Variants in OSBPL8 observed in about 807,000 individuals in gnomAD.
OSBPL8 encodes oxysterol binding protein like 8, also known as oxysterol-binding protein-related protein 8.
A neutral mutation model predicts 125.5 loss-of-function variants in OSBPL8; 59 were observed. The ratio of observed to expected loss-of-function variants is 0.47; its 90% confidence interval spans 0.38 to 0.58. The LOEUF (loss-of-function observed/expected upper bound fraction) is 0.58, where lower values mean the gene tolerates loss of function less well. Ranked by LOEUF, OSBPL8 falls within the 20% of genes least tolerant of loss-of-function variation. The pLI, the probability that OSBPL8 is intolerant of heterozygous loss-of-function variation, is 0.00. For synonymous variants in OSBPL8, 330 were observed against 338.9 expected, an observed-to-expected ratio of 0.97 and a Z score of 0.29; for missense variants, 758 against 1,047.8, an observed-to-expected ratio of 0.72 and a Z score of 3.82.
intron 1 of OSBPL8, among the ~76,000 whole-genome samples, chr12:76,527,765 C>A (rs1950219224): frequency 6.6e-6 from 1 of 152,048 alleles, no homozygotes; most frequent in African/African-American, 2.4e-5. Context: ...CTTAGGGAAC[C>A]CAAATATTTT....
intron 1 of OSBPL8, among the ~76,000 whole-genome samples, chr12:76,546,147 T>G (rs893169462): frequency 1.3e-5 from 2 of 152,220 alleles, no homozygotes; most frequent in African/African-American, 4.8e-5. Context: ...AATTCCCTGC[T>G]TATAGCAAGA....
At chr12:76,474,892 C>T (rs1292990218) in intron 2 of OSBPL8, among the ~76,000 whole-genome samples, 1 of 152,174 alleles carries the variant, frequency 6.6e-6, no homozygotes, top group African/African-American at 2.4e-5. Context: ...GCTATTTTCA[C>T]CCTATTAAAC....
chr12:76,424,093 C>T (rs1362253565), intron 4 of OSBPL8, among the ~76,000 whole-genome samples: 1 of 152,018 alleles, frequency 6.6e-6, no homozygotes, highest in Admixed American at 6.6e-5. Context: ...CTCTACCTCT[C>T]GGGTTCAAGT....
chr12:76,405,744 C>T (rs754183317), intron 5 of OSBPL8, among the ~76,000 whole-genome samples: 23 of 152,066 alleles, frequency 1.5e-4, no homozygotes, highest in Admixed American at 2.6e-4. Flanking sequence ...AAAATGTAAA[C>T]GATTTTTTTG....
At chr12:76,545,856 A>G (rs1414277428) in intron 1 of OSBPL8, among the ~76,000 whole-genome samples, 7 of 152,206 alleles carry the variant, frequency 4.6e-5, no homozygotes, top group Non-Finnish European at 1.5e-5. Flanking sequence ...CTTATATTGA[A>G]AGCCTGTTCC....
intron 1 of OSBPL8, among the ~76,000 whole-genome samples, chr12:76,494,913 T>G (rs55923851): frequency 0.39 from 59,432 of 151,932 alleles, 12,146 homozygotes; most frequent in Non-Finnish European, 0.46. Flanking sequence ...GGCATTTAAA[T>G]CCATGAGACT....
intron 1 of OSBPL8, among the ~76,000 whole-genome samples, chr12:76,515,149 T>C (rs1220011229): frequency 6.6e-6 from 1 of 152,254 alleles, no homozygotes; most frequent in East Asian, 1.9e-4. Context: ...ACTTCTGTCA[T>C]TTCAGCCAGT....
At chr12:76,441,835 CA>C (rs890093702) in intron 4 of OSBPL8, among the ~76,000 whole-genome samples, 1 of 151,362 alleles carries the variant, frequency 6.6e-6, no homozygotes, top group Admixed American at 6.6e-5. Context: ...TTAATAGGTA[CA>C]AAAAAATAGC....
chr12:76,551,360 T>C (rs1950932901), intron 1 of OSBPL8, among the ~76,000 whole-genome samples: 2 of 152,176 alleles, frequency 1.3e-5, no homozygotes, highest in African/African-American at 2.4e-5. Context: ...TCTTGAAACA[T>C]TTTTCATTGT....
chr12:76,406,111 G>T (rs1011131750), intron 5 of OSBPL8, among the ~76,000 whole-genome samples: 6 of 152,068 alleles, frequency 3.9e-5, no homozygotes, highest in African/African-American at 1.4e-4. Context: ...GTAATATATT[G>T]TTTCAGGTTT....
At chr12:76,461,398 A>G (rs1052139774) in intron 2 of OSBPL8, among the ~76,000 whole-genome samples, 1 of 152,030 alleles carries the variant, frequency 6.6e-6, no homozygotes, top group Non-Finnish European at 1.5e-5. Context: ...GTCGGCAAAC[A>G]CCACTAAGTG....
At chr12:76,469,826 G>A (rs944496971) in intron 2 of OSBPL8, among the ~76,000 whole-genome samples, 8 of 151,672 alleles carry the variant, frequency 5.3e-5, no homozygotes, top group Non-Finnish European at 8.8e-5. Flanking sequence ...TTTGTTCACT[G>A]CTATATTCCT....
At chr12:76,402,260 A>G (rs1565866551) in intron 6 of OSBPL8, among the ~76,000 whole-genome samples, 1 of 152,170 alleles carries the variant, frequency 6.6e-6, no homozygotes, top group Non-Finnish European at 1.5e-5. Context: ...GAAATTGGAA[A>G]TCTGGACTTT....
chr12:76,437,006 G>C (rs1039229930), intron 4 of OSBPL8, among the ~76,000 whole-genome samples: 2 of 151,866 alleles, frequency 1.3e-5, no homozygotes, highest in Admixed American at 6.6e-5. Context: ...TAGCTTTAAG[G>C]CATTCATTTC....
intron 1 of OSBPL8, among the ~76,000 whole-genome samples, chr12:76,491,381 T>C (rs951966513): frequency 6.6e-6 from 1 of 152,146 alleles, no homozygotes; most frequent in East Asian, 1.9e-4. Context: ...ATAAAATCAG[T>C]AGACTTCTAA....
rs1422611016 is a variant in OSBPL8, at chr12:76,405,292, C to A, written c.289-2526G>T. Among the ~76,000 whole-genome samples the A allele has an allele frequency of 2.6e-5, 4 of 152,092 alleles. No individual in the cohort carries two copies. The East Asian group carries it at 5.8e-4, about 22-fold the overall frequency. ...TGGGCAACATGGTGAGACACCGTCT[C>A]TATGAAAAATAAAAAAATTAGCTGG... is the stretch of plus-strand genomic sequence containing the variant. On this transcript the variant is annotated intron_variant, in intron 5 of 23. Transcript: ENST00000261183.
At chr12:76,493,767 G>A (rs1878985249) in intron 1 of OSBPL8, among the ~76,000 whole-genome samples, 1 of 152,156 alleles carries the variant, frequency 6.6e-6, no homozygotes, top group Non-Finnish European at 1.5e-5. Context: ...GATCAGAGAA[G>A]TTTTCAGACA....
At chr12:76,440,465 T>TC (rs1365672560) in intron 4 of OSBPL8, among the ~76,000 whole-genome samples, 1 of 152,184 alleles carries the variant, frequency 6.6e-6, no homozygotes, top group East Asian at 1.9e-4. Flanking sequence ...AAAATACTCT[T>TC]CTCTAAAGAA....
chr12:76,364,229 A>G (rs1322766755), intron 21 of OSBPL8, among the ~76,000 whole-genome samples: 1 of 152,252 alleles, frequency 6.6e-6, no homozygotes, highest in African/African-American at 2.4e-5. Flanking sequence ...TATTCACAAT[A>G]GCAAAGACTT....
Sources: gnomAD v4.1 joint callset for allele counts (sites outside exome capture counted in the v4.1 genomes callset) on GRCh38, gnomAD v4.1.1 for gene constraint, MANE v1.5 for transcripts, NCBI Gene and HGNC (gene_info 2026-07-23, HGNC 2026-07-21) for gene names.